ZNF717: variants seen among roughly 807,000 people sequenced by gnomAD.
ZNF717 encodes krueppel-like factor X17.
Under a neutral mutation model 13.8 loss-of-function variants are expected in ZNF717, and 9 were observed. That is an observed-to-expected ratio of 0.65 (90% CI 0.39 to 1.14). The LOEUF (loss-of-function observed/expected upper bound fraction) is 1.14, where lower values mean the gene tolerates loss of function less well. ZNF717 is among the 50% of genes most tolerant of loss of function. ZNF717 has a pLI of 0.01. For synonymous variants in ZNF717, 327 were observed against 364.1 expected, an observed-to-expected ratio of 0.90 and a Z score of 1.16; for missense variants, 1,040 against 1,080.7, an observed-to-expected ratio of 0.96 and a Z score of 0.53.
intron 4 of ZNF717, among the ~76,000 whole-genome samples, chr3:75,722,417 T>C (rs1252443984): frequency 3.9e-5 from 6 of 152,220 alleles, no homozygotes; most frequent in African/African-American, 1.4e-4. Context: ...TATACTCATA[T>C]CTGCTTCTGA....
chr3:75,739,927 A>G (rs1189551234), intron 4 of ZNF717, among the ~76,000 whole-genome samples: 2 of 152,204 alleles, frequency 1.3e-5, no homozygotes, highest in Non-Finnish European at 2.9e-5. Flanking sequence ...CTTATTCCCC[A>G]TGTTAAACAA....
intron 6 of ZNF717, among the ~76,000 whole-genome samples, chr3:75,702,570 G>C (rs1226257078): frequency 6.6e-6 from 1 of 152,234 alleles, no homozygotes; most frequent in Admixed American, 6.5e-5. Flanking sequence ...GCACAACAGG[G>C]TGATTATAGT....
downstream of ZNF717, among the ~76,000 whole-genome samples, chr3:75,705,080 T>TC (rs1937777412): frequency 1.3e-5 from 2 of 152,280 alleles, no homozygotes; most frequent in African/African-American, 4.8e-5. Flanking sequence ...AACAGTTTTC[T>TC]CTCATTTCTT....
intron 2 of ZNF717, among the ~76,000 whole-genome samples, chr3:75,746,541 C>T (rs200234552): frequency 1.6e-4 from 25 of 152,118 alleles, no homozygotes; most frequent in South Asian, 1.0e-3. Flanking sequence ...TCTCCAGCAC[C>T]TGTTGTTTCC....
chr3:75,721,427 G>A (rs77662061), intron 4 of ZNF717, among the ~76,000 whole-genome samples: 4 of 151,600 alleles, frequency 2.6e-5, no homozygotes, highest in Non-Finnish European at 4.4e-5. Flanking sequence ...GATTACAGGC[G>A]AGCGCCAGCA....
At chr3:75,766,728 A>G (rs12496434) in intron 2 of ZNF717, among the ~76,000 whole-genome samples, 11,455 of 151,848 alleles carry the variant, frequency 0.075, 319 homozygotes, top group African/African-American at 0.16. Context: ...CTACCAAGAC[A>G]GACTGTATGT....
chr3:75,736,787 A>C lies in ZNF717; in HGVS notation c.*91T>G. 1 of 1,352,526 alleles carries C rather than the reference A, an allele frequency of 7.4e-7. No homozygotes were observed. The highest frequency in any genetic ancestry group is 9.9e-7 in the Non-Finnish European group (1 of 1,012,178). 83.8% of individuals were successfully genotyped at this position (1,352,526 alleles called of 1,614,324 possible). A position where few individuals can be genotyped will look rare whatever the true frequency, so the allele number is the denominator to read the frequency against. ...GTTAAGACCTTCTTGTTGGTAGGCC[A>C]GGAGGTAATGGTCACCATTTGTGTC... On this transcript the variant is annotated 3_prime_UTR_variant, in exon 5 of 5. Coordinates refer to ENST00000652011, the MANE Select transcript of ZNF717 (RefSeq NM_001290208.3).
intron 5 of ZNF717, among the ~76,000 whole-genome samples, chr3:75,713,899 G>A (rs1937995737): frequency 6.6e-6 from 1 of 152,140 alleles, no homozygotes; most frequent in Admixed American, 6.5e-5. Context: ...TCCAATGATA[G>A]GTAAGGTCAC....
chr3:75,731,571 A>AT (rs1938554515), downstream of ZNF717, among the ~76,000 whole-genome samples: 1 of 43,294 alleles, frequency 2.3e-5, no homozygotes, highest in Non-Finnish European at 4.8e-5. Flanking sequence ...AAAAAAAGGA[A>AT]GAAAAAAAAA....
chr3:75,713,453 T>C (rs1394802801), intron 5 of ZNF717, among the ~76,000 whole-genome samples: 7 of 152,118 alleles, frequency 4.6e-5, no homozygotes, highest in Non-Finnish European at 1.0e-4. Flanking sequence ...ACCTGGCCTA[T>C]ATTAATTAGA....
intron 2 of ZNF717, among the ~76,000 whole-genome samples, chr3:75,768,016 G>C (rs1008626143): frequency 5.9e-5 from 9 of 152,174 alleles, no homozygotes; most frequent in South Asian, 2.1e-4. Flanking sequence ...CAAGAGCCCA[G>C]AGGGAGGAGT....
At chr3:75,766,762 G>A (rs1285024458) in intron 2 of ZNF717, among the ~76,000 whole-genome samples, 1 of 152,254 alleles carries the variant, frequency 6.6e-6, no homozygotes, top group Non-Finnish European at 1.5e-5. Flanking sequence ...AAAGGTTCAA[G>A]CCTGAAATAG....
intron 6 of ZNF717, among the ~76,000 whole-genome samples, chr3:75,696,163 A>G (rs1937600343): frequency 6.6e-6 from 1 of 152,282 alleles, no homozygotes; most frequent in East Asian, 1.9e-4. Context: ...TCAAAGGATC[A>G]TTAGTGGTTA....
intron 2 of ZNF717, among the ~76,000 whole-genome samples, chr3:75,749,525 C>T (rs559206232): frequency 1.8e-3 from 274 of 152,098 alleles, no homozygotes; most frequent in African/African-American, 5.9e-3. Context: ...CACAACACTG[C>T]TGCTGTGGTC....
At chr3:75,767,011 A>T (rs1943521935) in intron 2 of ZNF717, among the ~76,000 whole-genome samples, 1 of 150,258 alleles carries the variant, frequency 6.7e-6, no homozygotes, top group Non-Finnish European at 1.5e-5. Flanking sequence ...GTGAGAACCA[A>T]TTCCCCTGAA....
chr3:75,695,947 A>G (rs1937598252), intron 6 of ZNF717, among the ~76,000 whole-genome samples: 1 of 152,226 alleles, frequency 6.6e-6, no homozygotes, highest in Non-Finnish European at 1.5e-5. Context: ...CAAATCCAAA[A>G]TTAGAAGAAA....
intron 2 of ZNF717, among the ~76,000 whole-genome samples, chr3:75,751,525 C>G (rs1469527237): frequency 6.6e-6 from 1 of 151,600 alleles, no homozygotes; most frequent in Admixed American, 6.6e-5. Flanking sequence ...ACATAGGATT[C>G]CAGAACACTG....
At chr3:75,709,937 G>C (rs555714384) in exon 6 of ZNF717, 1 of 152,160 alleles carries the variant, frequency 6.6e-6, no homozygotes, top group Non-Finnish European at 1.5e-5. Flanking sequence ...ATTGAGGCAG[G>C]GGGTAATTGG....
intron 2 of ZNF717, among the ~76,000 whole-genome samples, chr3:75,764,454 A>G (rs565014140): frequency 2.9e-4 from 44 of 152,332 alleles, no homozygotes; most frequent in Admixed American, 1.1e-3. Flanking sequence ...ATGCAGCATG[A>G]CTGTTTGCCC....
Sources: gnomAD v4.1 joint callset for allele counts (sites outside exome capture counted in the v4.1 genomes callset) on GRCh38, gnomAD v4.1.1 for gene constraint, MANE v1.5 for transcripts, NCBI Gene and HGNC (gene_info 2026-07-23, HGNC 2026-07-21) for gene names.